Variants in PRKN observed in about 807,000 individuals in gnomAD.
PRKN encodes the protein E3 ubiquitin-protein ligase parkin.
PRKN carries 56 observed loss-of-function variants against 59.5 expected under a neutral mutation model. That is an observed-to-expected ratio of 0.94 (90% CI 0.76 to 1.18). The LOEUF (loss-of-function observed/expected upper bound fraction) is 1.18. Ranked by LOEUF, PRKN falls within the 50% of genes most tolerant of loss-of-function variation. The probability of loss-of-function intolerance (pLI) is 0.00; values close to 1 mark genes in which losing one functional copy is unlikely to be tolerated. For synonymous variants in PRKN, 250 were observed against 222.1 expected (o/e 1.13, Z -1.12); for missense variants, 657 against 596.4 (o/e 1.10, Z -1.06).
chr6:162,606,389 T>C (rs1033433047), intron 1 of PRKN, among the ~76,000 whole-genome samples: 1 of 152,222 alleles, frequency 6.6e-6, no homozygotes, highest in African/African-American at 2.4e-5. Context: ...TAATAAAGTA[T>C]TGAATATCTT....
At chr6:161,427,212 A>AT (rs1788410676) in intron 9 of PRKN, among the ~76,000 whole-genome samples, 1 of 151,986 alleles carries the variant, frequency 6.6e-6, no homozygotes, top group Non-Finnish European at 1.5e-5. Context: ...ACGAGACAGG[A>AT]TTTTGCCATG....
rs1171072426 is a variant in PRKN at position 161,442,178 on chromosome 6, G to A, written c.1084-55301C>T. 1.3e-5 allele frequency among the ~76,000 whole-genome samples: 2 copies of A among 152,190 alleles called. No homozygotes were observed. Among genetic ancestry groups the A allele is most frequent in the Non-Finnish European group, 2.9e-5 (2 of 68,036 alleles). On this transcript the variant is annotated intron_variant, in intron 9 of 11. Transcript: ENST00000366898. This position sits in a 1 kb window ranked among gnomAD's most constrained non-coding sequence, Gnocchi z 4.6. Reference sequence around the variant, plus strand: ...CAGTCAGAAGAGAGACCTTCTCAAAGTCTGTCAGAAAGATTTTTAATCATC... The same window carrying A: ...CAGTCAGAAGAGAGACCTTCTCAAAATCTGTCAGAAAGATTTTTAATCATC...
rs1790388755 is a variant in PRKN, at chr6:161,785,782, C to G, written c.861G>C (p.Leu287=). ...ACATGCTAGACTTACCCACACAAGG[C>G]AGGGAGTAGCCAAGTTGAGGGTCGT... is the stretch of plus-strand genomic sequence containing the variant. The part of the protein sequence containing the change: ...FVHDPQLGYS[L]PCVAGCPNSL... The change falls in exon 7 of 12, where the codon CTG becomes CTC. Residue 287 remains leucine (L), a synonymous_variant. Coordinates refer to ENST00000366898, the MANE Select transcript of PRKN (RefSeq NM_004562.3). 6.2e-7 allele frequency: 1 copy of G among 1,613,952 alleles called. No individual in the cohort carries two copies. Among genetic ancestry groups the G allele is most frequent in the Non-Finnish European group, 8.5e-7 (1 of 1,179,926 alleles).
intron 3 of PRKN, among the ~76,000 whole-genome samples, chr6:162,219,269 T>C (rs866459682): frequency 6.6e-6 from 1 of 152,166 alleles, no homozygotes; most frequent in African/African-American, 2.4e-5. Context: ...CAAAATCTAC[T>C]AGAACGCAGT....
intron 3 of PRKN, among the ~76,000 whole-genome samples, chr6:162,206,614 G>A (rs1244656369): frequency 1.3e-5 from 2 of 152,024 alleles, no homozygotes; most frequent in African/African-American, 2.4e-5. Context: ...TCAGCCCTGC[G>A]CCTAGTCATG....
intron 7 of PRKN, among the ~76,000 whole-genome samples, chr6:161,591,723 T>C (rs1196228469): frequency 1.3e-5 from 2 of 152,226 alleles, no homozygotes; most frequent in African/African-American, 4.8e-5. Flanking sequence ...AATGATGTGC[T>C]TAATCAACTG....
chr6:162,595,602 G>GT (rs892806511), intron 1 of PRKN, among the ~76,000 whole-genome samples: 61 of 150,838 alleles, frequency 4.0e-4, no homozygotes, highest in African/African-American at 6.6e-4. Flanking sequence ...TACAGTTATT[G>GT]TTTTTTTTTA....
intron 7 of PRKN, among the ~76,000 whole-genome samples, chr6:161,594,311 C>T (rs1341247961): frequency 6.6e-6 from 1 of 152,190 alleles, no homozygotes; most frequent in African/African-American, 2.4e-5. Flanking sequence ...TCCCAGATCC[C>T]CATCCCAGCT....
At chr6:162,583,894 G>A (rs1437749424) in intron 1 of PRKN, among the ~76,000 whole-genome samples, 1 of 152,158 alleles carries the variant, frequency 6.6e-6, no homozygotes, top group Non-Finnish European at 1.5e-5. Context: ...TGAAGTACTT[G>A]GAGTTTTAAA....
chr6:162,167,733 G>A (rs1783057399), intron 4 of PRKN, among the ~76,000 whole-genome samples: 1 of 151,094 alleles, frequency 6.6e-6, no homozygotes. Flanking sequence ...ACCAGTGTTT[G>A]TGCAAATTTG....
At chr6:161,741,074 C>T (rs1423718137) in intron 7 of PRKN, among the ~76,000 whole-genome samples, 3 of 152,232 alleles carry the variant, frequency 2.0e-5, no homozygotes, top group Non-Finnish European at 4.4e-5. Context: ...AGTGTGTCCA[C>T]AGCCATACAT....
intron 6 of PRKN, among the ~76,000 whole-genome samples, chr6:161,926,966 A>G (rs1322071640): frequency 6.6e-6 from 1 of 152,296 alleles, no homozygotes; most frequent in East Asian, 1.9e-4. Context: ...AATAAGTTAC[A>G]TTTTGATAAA....
intron 4 of PRKN, among the ~76,000 whole-genome samples, chr6:162,140,293 A>G (rs764422387): frequency 6.6e-5 from 10 of 152,200 alleles, no homozygotes; most frequent in Non-Finnish European, 1.5e-4. Context: ...ATTTAGAAAA[A>G]AAAGAAATTG....
chr6:162,397,059 T>C (rs1373167202), intron 2 of PRKN, among the ~76,000 whole-genome samples: 4 of 152,160 alleles, frequency 2.6e-5, no homozygotes, highest in African/African-American at 4.8e-5. Flanking sequence ...GTCACTCCTA[T>C]GACTTTTGCT....
At chr6:161,900,289 A>T (rs974023925) in intron 6 of PRKN, among the ~76,000 whole-genome samples, 2 of 150,978 alleles carry the variant, frequency 1.3e-5, no homozygotes, top group African/African-American at 4.9e-5. Context: ...TTGAAATGGA[A>T]GTGAGAGGGA....
At chr6:162,387,216 A>G (rs1054598427) in intron 2 of PRKN, among the ~76,000 whole-genome samples, 5 of 142,030 alleles carry the variant, frequency 3.5e-5, no homozygotes, top group Admixed American at 1.4e-4. Context: ...CAGTAATTAC[A>G]CACTAAGAAA....
chr6:161,563,740 C>T (rs1374575963), intron 8 of PRKN, among the ~76,000 whole-genome samples: 2 of 152,098 alleles, frequency 1.3e-5, no homozygotes, highest in African/African-American at 2.4e-5. Context: ...GAACCACATA[C>T]AAAGAAATTA....
chr6:162,344,165 A>G (rs990159587), intron 2 of PRKN, among the ~76,000 whole-genome samples: 1 of 152,180 alleles, frequency 6.6e-6, no homozygotes. Flanking sequence ...TCAGTCTAAT[A>G]CCAAGTTAAG....
intron 1 of PRKN, among the ~76,000 whole-genome samples, chr6:162,708,255 A>G (rs1778405472): frequency 6.6e-6 from 1 of 152,218 alleles, no homozygotes; most frequent in East Asian, 1.9e-4. Flanking sequence ...AAAATATCTG[A>G]AAACTGTATG....
Sources: gnomAD v4.1 joint callset for allele counts (sites outside exome capture counted in the v4.1 genomes callset) on GRCh38, gnomAD v4.1.1 for gene constraint, Gnocchi (gnomAD v3.1) non-coding constraint, MANE v1.5 for transcripts, NCBI Gene and HGNC (gene_info 2026-07-23, HGNC 2026-07-21) for gene names.